GLRA3: variants seen among roughly 807,000 people sequenced by gnomAD.
The protein encoded by GLRA3 is glycine receptor subunit alpha-3.
In GLRA3, 44 loss-of-function variants were observed where a neutral mutation model predicts 60.4. The ratio of observed to expected loss-of-function variants is 0.73; its 90% CI spans 0.57 to 0.94. GLRA3 has a LOEUF of 0.94. GLRA3 is among the 40% of genes least tolerant of loss of function. GLRA3 has a pLI of 0.00. For synonymous variants in GLRA3, 223 were observed against 192.9 expected (o/e 1.16, Z -1.29); for missense variants, 508 against 564.6 (o/e 0.90, Z 1.02).
At position 174,636,923 on chromosome 4, in the gene GLRA3, T is replaced by C. The variant is rs1017145696; in HGVS notation, c.*6863A>G. On this transcript the variant is annotated 3_prime_UTR_variant, in exon 10 of 10. Coordinates refer to ENST00000274093, the MANE Select transcript of GLRA3 (RefSeq NM_006529.4). ...TTAGACAAAAGAGGTATCCATATTC[T>C]TGAAAAGTGTTCATTTTTATTGTTT... is the stretch of plus-strand genomic sequence containing the variant. 6.6e-6 allele frequency: 1 copy of C among 152,218 alleles called. No individual in the cohort carries two copies. The highest frequency in any genetic ancestry group is 1.5e-5 in the Non-Finnish European group (1 of 68,032). 9.4% of individuals were successfully genotyped at this position (152,218 alleles called of 1,614,324 possible).
At chr4:174,646,528 T>C (rs1732824614) in intron 9 of GLRA3, among the ~76,000 whole-genome samples, 1 of 152,168 alleles carries the variant, frequency 6.6e-6, no homozygotes, top group Admixed American at 6.5e-5. Context: ...GGGAGCTGTG[T>C]ATTGGCCTGA....
At chr4:174,731,536 G>A (rs190683126) in intron 3 of GLRA3, among the ~76,000 whole-genome samples, 1 of 152,242 alleles carries the variant, frequency 6.6e-6, no homozygotes, top group East Asian at 1.9e-4. Flanking sequence ...TGAATTAAAA[G>A]TTCAAATATG....
chr4:174,767,906 CCAGGTCCTTTATAATTTTTGTT>C (rs141046210), intron 2 of GLRA3, among the ~76,000 whole-genome samples: 1,617 of 152,224 alleles, frequency 0.011, 28 homozygotes, highest in African/African-American at 0.037. Flanking sequence ...ATAGAATTTT[CCAGGTCCTTTATAATTTTTGTT>C]CAGGCTCTTA....
intron 7 of GLRA3, among the ~76,000 whole-genome samples, chr4:174,676,623 C>G (rs1354575326): frequency 6.6e-6 from 1 of 151,948 alleles, no homozygotes; most frequent in African/African-American, 2.4e-5. Flanking sequence ...TGTATAGACA[C>G]AGGCACACAC....
chr4:174,673,450 TA>T (rs1192554820), intron 7 of GLRA3, among the ~76,000 whole-genome samples: 4 of 151,764 alleles, frequency 2.6e-5, no homozygotes, highest in Admixed American at 6.6e-5. Flanking sequence ...TTTCCATATC[TA>T]AAAAAAAGAT....
intron 1 of GLRA3, among the ~76,000 whole-genome samples, chr4:174,801,694 G>A (rs1459552620): frequency 6.6e-6 from 1 of 151,894 alleles, no homozygotes; most frequent in Non-Finnish European, 1.5e-5. Flanking sequence ...CTTACTACTA[G>A]TGATTGCCTT....
intron 3 of GLRA3, among the ~76,000 whole-genome samples, chr4:174,736,256 T>G (rs1736782230): frequency 6.6e-6 from 1 of 152,150 alleles, no homozygotes; most frequent in Non-Finnish European, 1.5e-5. Context: ...ATACATAACA[T>G]TTATCATCAA....
intron 6 of GLRA3, among the ~76,000 whole-genome samples, chr4:174,681,304 T>A (rs1734332192): frequency 6.6e-6 from 1 of 152,232 alleles, no homozygotes; most frequent in Admixed American, 6.5e-5. Context: ...GTTTATAACT[T>A]CACCTCTTGT....
In GLRA3 at chr4:174,642,848, C is replaced by A. The variant is rs964081189; in HGVS notation, c.*938G>T. The A allele has an allele frequency of 2.7e-6, 2 of 733,014 alleles. No homozygotes were observed. Among genetic ancestry groups the A allele is most frequent in the African/African-American group, 1.9e-5 (1 of 51,966 alleles). 45.4% of individuals were successfully genotyped at this position (733,014 alleles called of 1,614,324 possible). On this transcript the variant is annotated 3_prime_UTR_variant, in exon 10 of 10. Transcript: ENST00000274093. ...TTGTTTTCATTGTATTCATTTTTAT[C>A]AAAATGTAAATACTTTAATCCCATT...
chr4:174,785,936 G>GTTTTTT (rs752488665), intron 2 of GLRA3, among the ~76,000 whole-genome samples: 8 of 103,470 alleles, frequency 7.7e-5, no homozygotes, highest in East Asian at 6.8e-4. Flanking sequence ...TGCCTGGCTA[G>GTTTTTT]TTTTTTTTTT....
At chr4:174,772,726 A>G (rs572404322) in intron 2 of GLRA3, among the ~76,000 whole-genome samples, 36 of 152,306 alleles carry the variant, frequency 2.4e-4, no homozygotes, top group African/African-American at 7.9e-4. Context: ...CTTTGGAGCC[A>G]TAACAGATTC....
chr4:174,741,490 C>G (rs1237430299), intron 3 of GLRA3, among the ~76,000 whole-genome samples: 1 of 152,050 alleles, frequency 6.6e-6, no homozygotes, highest in Non-Finnish European at 1.5e-5. Context: ...TATCCTTTGC[C>G]AGACATGAGA....
chr4:174,798,853 G>T (rs564288389), intron 1 of GLRA3, among the ~76,000 whole-genome samples: 1 of 152,032 alleles, frequency 6.6e-6, no homozygotes, highest in Non-Finnish European at 1.5e-5. Context: ...CCCGGGAGGC[G>T]GAGCTTGCAG....
chr4:174,696,307 TA>T (rs979430856), intron 5 of GLRA3, among the ~76,000 whole-genome samples: 10 of 151,674 alleles, frequency 6.6e-5, no homozygotes, highest in Non-Finnish European at 1.3e-4. Flanking sequence ...TGGATTAAAG[TA>T]AATGATAATA....
At chr4:174,747,909 C>CAT (rs1298162856) in intron 3 of GLRA3, among the ~76,000 whole-genome samples, 4 of 152,024 alleles carry the variant, frequency 2.6e-5, no homozygotes, top group Non-Finnish European at 1.5e-5. Flanking sequence ...AACATTATAG[C>CAT]ATATATATAT....
chr4:174,763,393 A>C (rs1007210905), intron 3 of GLRA3, among the ~76,000 whole-genome samples: 1 of 152,160 alleles, frequency 6.6e-6, no homozygotes, highest in Admixed American at 6.6e-5. Context: ...GTCTAGGCCA[A>C]TGAACTTTCT....
intron 4 of GLRA3, among the ~76,000 whole-genome samples, chr4:174,725,843 T>C (rs1356523951): frequency 2.0e-5 from 3 of 152,194 alleles, no homozygotes; most frequent in Non-Finnish European, 4.4e-5. Context: ...TTATTGAACA[T>C]TTATGGTTCT....
intron 1 of GLRA3, among the ~76,000 whole-genome samples, chr4:174,796,708 T>C (rs1288278666): frequency 6.6e-6 from 1 of 152,072 alleles, no homozygotes; most frequent in Non-Finnish European, 1.5e-5. Flanking sequence ...AGCTAATTTT[T>C]GTACTTTCAG....
At chr4:174,694,311 A>G (rs997939575) in intron 5 of GLRA3, among the ~76,000 whole-genome samples, 1 of 152,172 alleles carries the variant, frequency 6.6e-6, no homozygotes, top group Non-Finnish European at 1.5e-5. Context: ...CAAGGCACAT[A>G]CCCTAAAATT....
Sources: allele counts gnomAD v4.1 joint callset (sites outside exome capture counted in the v4.1 genomes callset), GRCh38; gene constraint gnomAD v4.1.1; transcripts MANE v1.5; gene names NCBI Gene and HGNC (gene_info 2026-07-23, HGNC 2026-07-21).